CLTCL1: variants seen among roughly 807,000 people sequenced by gnomAD.
The protein encoded by CLTCL1 is clathrin heavy chain 2.
CLTCL1 carries 159 observed loss-of-function variants against 190.0 expected under a neutral mutation model. The observed-to-expected ratio is 0.84, with a 90% CI of 0.74 to 0.95. The LOEUF is 0.95. Ranked by LOEUF, CLTCL1 falls within the 40% of genes least tolerant of loss-of-function variation. The pLI, the probability that CLTCL1 is intolerant of heterozygous loss-of-function variation, is 0.00. For synonymous variants in CLTCL1, 752 were observed against 769.6 expected (o/e 0.98, Z 0.38); for missense variants, 1,878 against 2,033.4 (o/e 0.92, Z 1.47).
Position 19,235,887 on chromosome 22 carries a change from G to T in CLTCL1, c.796-18C>A, listed in dbSNP as rs782495849. On this transcript the variant is annotated intron_variant, in intron 5 of 32. Transcript: ENST00000427926. Reference sequence around the variant, plus strand: ...GCTCCAATCTATAAGAAGACAGAGAGCAAGAGGTTGGAAAGTAAGGAGGAG... The same window carrying T: ...GCTCCAATCTATAAGAAGACAGAGATCAAGAGGTTGGAAAGTAAGGAGGAG... 4.4e-6 allele frequency: 7 copies of T among 1,605,068 alleles called. No homozygotes were observed. The South Asian group carries it at 7.8e-5, about 18-fold the overall frequency.
intron 11 of CLTCL1, among the ~76,000 whole-genome samples, chr22:19,226,904 AT>A (rs1290505738): frequency 6.6e-6 from 1 of 151,640 alleles, no homozygotes; most frequent in African/African-American, 2.4e-5. Context: ...TGCCTGGCTT[AT>A]TTTTGTATTT....
At chr22:19,282,214 A>G (rs1555987177) in intron 1 of CLTCL1, among the ~76,000 whole-genome samples, 1 of 151,860 alleles carries the variant, frequency 6.6e-6, no homozygotes, top group African/African-American at 2.4e-5. Flanking sequence ...CTGTAGTCTC[A>G]GCTACTCGGG....
intron 27 of CLTCL1, among the ~76,000 whole-genome samples, chr22:19,190,342 C>T (rs2084452023): frequency 6.6e-6 from 1 of 152,204 alleles, no homozygotes; most frequent in African/African-American, 2.4e-5. Context: ...CACGGCCAGT[C>T]AGCGGAGCAG....
intron 2 of CLTCL1, among the ~76,000 whole-genome samples, chr22:19,275,194 A>C (rs967014983): frequency 2.6e-5 from 4 of 152,208 alleles, no homozygotes; most frequent in African/African-American, 4.8e-5. Flanking sequence ...ATTTCAAGGA[A>C]GTAAAATTCT....
intron 28 of CLTCL1, 37 bp from the exon 29 acceptor site, chr22:19,187,765 G>T: frequency 6.2e-7 from 1 of 1,600,904 alleles, no homozygotes; most frequent in Non-Finnish European, 8.5e-7. Context: ...ATGGGACACT[G>T]ACATGGGCTG....
intron 22 of CLTCL1, among the ~76,000 whole-genome samples, chr22:19,202,480 C>T (rs112222134): frequency 9.4e-6 from 1 of 106,280 alleles, no homozygotes; most frequent in Non-Finnish European, 1.9e-5. Context: ...CCTTTGCCAT[C>T]CACGGTACCT....
intron 7 of CLTCL1, 113 bp from the exon 8 acceptor site, chr22:19,233,735 G>A (rs2085990498): frequency 2.4e-5 from 22 of 909,456 alleles, no homozygotes; most frequent in Non-Finnish European, 3.5e-5. Context: ...ACACTGCTCT[G>A]TCATAGACAA....
intron 21 of CLTCL1, 139 bp from the exon 22 acceptor site, chr22:19,208,450 C>G: frequency 1.0e-6 from 1 of 989,540 alleles, no homozygotes; most frequent in Non-Finnish European, 1.5e-6. Flanking sequence ...CAGATAACGT[C>G]TAGGAGGTCT....
chr22:19,272,721 C>T (rs1348606364), intron 2 of CLTCL1, among the ~76,000 whole-genome samples: 2 of 152,190 alleles, frequency 1.3e-5, no homozygotes, highest in Admixed American at 6.5e-5. Context: ...ATCTGCCTGC[C>T]TCGGCCTCCC....
chr22:19,244,152 G>A lies in CLTCL1; in HGVS notation c.520-1216C>T, dbSNP rs2086346708. Among the ~76,000 whole-genome samples, 2 of 152,070 alleles carry A rather than the reference G, an allele frequency of 1.3e-5. 1 individual carries two copies. The highest frequency in any genetic ancestry group is 4.2e-4 in the South Asian group (2 of 4,812). On this transcript the variant is annotated intron_variant, in intron 3 of 32. Transcript: ENST00000427926. ...CTGAGTGAGCTCACATATAGTCGTG[G>A]GTAAAATCCTCAGTCTATTCCTCAC...
intron 2 of CLTCL1, among the ~76,000 whole-genome samples, chr22:19,268,237 G>A (rs2087186565): frequency 6.6e-6 from 1 of 152,196 alleles, no homozygotes; most frequent in Non-Finnish European, 1.5e-5. Context: ...CATCTTGGAA[G>A]TGGAGTGTGA....
intron 11 of CLTCL1, among the ~76,000 whole-genome samples, chr22:19,228,416 GGTCT>G (rs1476940096): frequency 6.6e-6 from 1 of 152,086 alleles, no homozygotes; most frequent in African/African-American, 2.4e-5. Context: ...CATTCCTTAG[GGTCT>G]GTCTGCCAAG....
intron 9 of CLTCL1, chr22:19,232,918 A>C (rs1375749379): frequency 7.1e-6 from 4 of 562,426 alleles, no homozygotes; most frequent in Non-Finnish European, 9.2e-6. Flanking sequence ...TACAGAAGGA[A>C]GAGAGGGAGA....
chr22:19,203,335 C>T (rs2084954279), intron 22 of CLTCL1, among the ~76,000 whole-genome samples: 1 of 152,096 alleles, frequency 6.6e-6, no homozygotes, highest in African/African-American at 2.4e-5. Context: ...TAAAATAAAA[C>T]TAATCCAACT....
In CLTCL1 at chr22:19,222,423, G is replaced by C. The variant is rs375350831; in HGVS notation, c.2418+261C>G. ...GCCAGGAGGCTGTCTGCAAGCGTGG[G>C]AGACAGCCTTCACCAGAAACCAGCC... On this transcript the variant is annotated intron_variant, in intron 15 of 32. Transcript: ENST00000427926. Among the ~76,000 whole-genome samples, 87 of 152,288 alleles carry C rather than the reference G, an allele frequency of 5.7e-4. 1 individual carries two copies. The highest frequency in any genetic ancestry group is 2.0e-3 in the African/African-American group (83 of 41,556).
At chr22:19,285,819 T>C (rs1481687944) in intron 1 of CLTCL1, among the ~76,000 whole-genome samples, 1 of 152,176 alleles carries the variant, frequency 6.6e-6, no homozygotes, top group East Asian at 1.9e-4. Context: ...CAGCAACTAC[T>C]ACCCTAGGGA....
rs2085951351 is a variant in CLTCL1, at chr22:19,232,603, A to G, written c.1522-5T>C. 6.2e-7 allele frequency: 1 copy of G among 1,610,054 alleles called. No individual in the cohort carries two copies. Among genetic ancestry groups the G allele is most frequent in the South Asian group, 1.1e-5 (1 of 90,646 alleles). ...CCAGTCTGGGGTGTACCCAACCTAGAAGCAAGGGAGCACCAATCAGGAAAA... is the reference window on the plus strand; with the variant it reads ...CCAGTCTGGGGTGTACCCAACCTAGGAGCAAGGGAGCACCAATCAGGAAAA... On this transcript the variant is annotated splice_region_variant and splice_polypyrimidine_tract_variant and intron_variant, in intron 9 of 32. Transcript: ENST00000427926.
intron 27 of CLTCL1, among the ~76,000 whole-genome samples, chr22:19,189,072 T>C (rs1455970858): frequency 2.0e-5 from 3 of 152,166 alleles, no homozygotes; most frequent in Non-Finnish European, 4.4e-5. Flanking sequence ...ACCTGGCTAA[T>C]TTTTGTATTT....
rs782016234 is a variant in CLTCL1 at position 19,201,431 on chromosome 22, A to T, written c.3663T>A (p.Val1221=). ...TGGAAGCCAGGCGGGCAAAGTTAGA[A>T]ACATTGCTATAGAGCAGCTTGGCAG... is the stretch of plus-strand genomic sequence containing the variant. ...YEAAKLLYSN[V]SNFARLASTL... is the part of the protein sequence containing the mutation. The change falls in exon 23 of 33, where the codon GTT becomes GTA. Residue 1221 remains valine, a synonymous_variant. Coordinates refer to ENST00000427926, the MANE Select transcript of CLTCL1 (RefSeq NM_007098.4). 18 of 1,613,784 alleles carry T rather than the reference A, an allele frequency of 1.1e-5. No homozygotes were observed. Among genetic ancestry groups the T allele is most frequent in the Non-Finnish European group, 9.3e-6 (11 of 1,179,844 alleles).
Sources: gnomAD v4.1 joint callset for allele counts (sites outside exome capture counted in the v4.1 genomes callset) on GRCh38, gnomAD v4.1.1 for gene constraint, MANE v1.5 for transcripts, NCBI Gene and HGNC (gene_info 2026-07-23, HGNC 2026-07-21) for gene names.